The following REV3L variants were observed in gnomAD, a reference collection of about 807,000 sequenced individuals.
The protein encoded by REV3L is REV3 like, DNA directed polymerase zeta catalytic subunit.
A neutral mutation model predicts 299.4 loss-of-function variants in REV3L; 69 were observed. That is an observed-to-expected ratio of 0.23 (90% CI 0.19 to 0.28). REV3L has a LOEUF of 0.28. REV3L is among the 10% of genes least tolerant of loss of function. REV3L has a pLI of 1.00. For synonymous variants in REV3L, 1,238 were observed against 1,271.4 expected (o/e 0.97, Z 0.56); for missense variants, 3,128 against 3,693.8 (o/e 0.85, Z 3.97).
At chr6:111,404,819 C>T (rs1242015322) in intron 4 of REV3L, among the ~76,000 whole-genome samples, 1 of 152,202 alleles carries the variant, frequency 6.6e-6, no homozygotes, top group African/African-American at 2.4e-5. Flanking sequence ...AGAGAAAGCT[C>T]TGCCTGCAAT....
At chr6:111,352,214 G>C (rs1292313738) in intron 18 of REV3L, among the ~76,000 whole-genome samples, 1 of 152,060 alleles carries the variant, frequency 6.6e-6, no homozygotes, top group Non-Finnish European at 1.5e-5. Context: ...CACCATGTTG[G>C]TCAGGTTGGT....
chr6:111,391,238 G>GA (rs1372869421), intron 5 of REV3L, among the ~76,000 whole-genome samples: 2 of 151,884 alleles, frequency 1.3e-5, no homozygotes, highest in Non-Finnish European at 2.9e-5. Flanking sequence ...GTTAATTTTT[G>GA]TATTTTTAGT....
At chr6:111,457,577 T>C (rs1338799143) in intron 1 of REV3L, among the ~76,000 whole-genome samples, 1 of 151,828 alleles carries the variant, frequency 6.6e-6, no homozygotes, top group Non-Finnish European at 1.5e-5. Context: ...TTTGAAATAA[T>C]TGATGCTTCA....
chr6:111,345,086 C>G (rs769214387), intron 20 of REV3L, among the ~76,000 whole-genome samples: 4 of 152,052 alleles, frequency 2.6e-5, no homozygotes, highest in Non-Finnish European at 5.9e-5. Context: ...GAAAAGGCCA[C>G]AAGATTAAAT....
At chr6:111,406,492 G>A (rs1783641214) in intron 3 of REV3L, among the ~76,000 whole-genome samples, 1 of 152,308 alleles carries the variant, frequency 6.6e-6, no homozygotes. Flanking sequence ...CAGGTAAGGA[G>A]TAAATAGGCT....
intron 16 of REV3L, among the ~76,000 whole-genome samples, chr6:111,359,847 T>C (rs1041732667): frequency 1.3e-5 from 2 of 152,164 alleles, no homozygotes; most frequent in African/African-American, 4.8e-5. Context: ...ATCATATAAA[T>C]TTAACAAAGG....
rs748556359 is a variant in REV3L at position 111,333,250 on chromosome 6, C to G, written c.7798G>C (p.Glu2600Gln). The G allele has an allele frequency of 1.4e-5, 22 of 1,613,964 alleles. No individual in the cohort carries two copies. The highest frequency in any genetic ancestry group is 3.3e-5 in the Admixed American group (2 of 60,000). ...TTGCTATAGAAGCGGGATTCAGGCTCCATAATTAGAGGAACACACTGTGGG... is the reference window on the plus strand; with the variant it reads ...TTGCTATAGAAGCGGGATTCAGGCTGCATAATTAGAGGAACACACTGTGGG... Reference protein sequence around the residue: ...RAPQCVPLIMEPESRFYSNSV... With the variant: ...RAPQCVPLIMQPESRFYSNSV... Residue 2600 changes from glutamate to glutamine, a missense_variant, in exon 23 of 32, where the codon GAG becomes CAG. By Grantham distance (29) the Glu-to-Gln change is conservative. Coordinates refer to ENST00000368802, the MANE Select transcript of REV3L (RefSeq NM_001372078.1).
At chr6:111,376,838 G>A in intron 12 of REV3L, 81 bp from the exon 13 acceptor site, 1 of 1,136,300 alleles carries the variant, frequency 8.8e-7, no homozygotes, top group Non-Finnish European at 1.2e-6. Flanking sequence ...AGATATTAAT[G>A]CTATCACTAT....
intron 20 of REV3L, among the ~76,000 whole-genome samples, chr6:111,346,384 C>T (rs963573068): frequency 1.3e-5 from 2 of 152,016 alleles, no homozygotes; most frequent in Admixed American, 6.6e-5. Context: ...CTTGTCACTA[C>T]GAATTCAAAG....
chr6:111,327,211 A>C (rs577824886), intron 25 of REV3L, among the ~76,000 whole-genome samples: 4 of 152,202 alleles, frequency 2.6e-5, no homozygotes, highest in Non-Finnish European at 5.9e-5. Flanking sequence ...AAAATACATT[A>C]ATAAACACTT....
intron 4 of REV3L, among the ~76,000 whole-genome samples, chr6:111,400,275 CTCTAAG>C (rs1279665515): frequency 6.6e-6 from 1 of 152,168 alleles, no homozygotes; most frequent in African/African-American, 2.4e-5. Context: ...CTGGGTCGCA[CTCTAAG>C]TCTATGTTTA....
intron 2 of REV3L, among the ~76,000 whole-genome samples, chr6:111,413,049 C>T (rs1784404745): frequency 6.6e-6 from 1 of 152,136 alleles, no homozygotes; most frequent in African/African-American, 2.4e-5. Flanking sequence ...TTTTATAATA[C>T]CACTTCCCGT....
chr6:111,339,339 T>C (rs1287310579), intron 21 of REV3L, among the ~76,000 whole-genome samples: 1 of 152,030 alleles, frequency 6.6e-6, no homozygotes, highest in African/African-American at 2.4e-5. Context: ...TTTACAAACC[T>C]AGTACACTAG....
chr6:111,302,226 C>T (rs532038825), intron 31 of REV3L, among the ~76,000 whole-genome samples: 1 of 152,284 alleles, frequency 6.6e-6, no homozygotes, highest in South Asian at 2.1e-4. Context: ...GTATGCTGTT[C>T]TATGATGAAG....
intron 29 of REV3L, 115 bp from the exon 30 acceptor site, chr6:111,310,214 A>G (rs1772821389): frequency 1.6e-6 from 2 of 1,273,694 alleles, no homozygotes; most frequent in Non-Finnish European, 2.1e-6. Flanking sequence ...ACAAAAGACA[A>G]TTTCAAAACA....
intron 1 of REV3L, among the ~76,000 whole-genome samples, chr6:111,473,867 T>G (rs1192402588): frequency 6.6e-6 from 1 of 152,174 alleles, no homozygotes; most frequent in Non-Finnish European, 1.5e-5. Context: ...ACCAACCAAC[T>G]GTAGGACACT....
At chr6:111,366,084 C>A (rs1427844418) in intron 14 of REV3L, among the ~76,000 whole-genome samples, 1 of 152,074 alleles carries the variant, frequency 6.6e-6, no homozygotes, top group Non-Finnish European at 1.5e-5. Context: ...AAAATAAATT[C>A]TATGTTTCTG....
chr6:111,300,190 G>A (rs760776646), intron 31 of REV3L, 34 bp from the exon 32 acceptor site: 7 of 1,536,818 alleles, frequency 4.6e-6, no homozygotes, highest in Non-Finnish European at 5.2e-6. Flanking sequence ...AAAATAATAG[G>A]AAAGTTTTTA....
chr6:111,440,364 G>A lies in REV3L; in HGVS notation c.140-23892C>T, dbSNP rs990843053. 4.6e-5 allele frequency among the ~76,000 whole-genome samples: 7 copies of A among 152,148 alleles called. No individual in the cohort carries two copies. The South Asian group carries it at 6.2e-4, about 13-fold the overall frequency. On this transcript the variant is annotated intron_variant, in intron 1 of 31. Transcript: ENST00000368802. ...GATTACAGGCGTGAGCCACCACGCC[G>A]AGTCCCAAAGCAAAGATTTTTATGC...
Sources: allele counts gnomAD v4.1 joint callset (sites outside exome capture counted in the v4.1 genomes callset), GRCh38; gene constraint gnomAD v4.1.1; transcripts MANE v1.5; gene names NCBI Gene and HGNC (gene_info 2026-07-23, HGNC 2026-07-21).